Variants in TULP4 observed in about 807,000 individuals in gnomAD.
TULP4 encodes the protein tubby-related protein 4.
Under a neutral mutation model 129.0 loss-of-function variants are expected in TULP4, and 16 were observed. The ratio of observed to expected loss-of-function variants is 0.12; its 90% confidence interval spans 0.08 to 0.19. The LOEUF (loss-of-function observed/expected upper bound fraction) is 0.19, where lower values mean the gene tolerates loss of function less well. Ranked by LOEUF, TULP4 falls within the 10% of genes least tolerant of loss-of-function variation. The pLI is 1.00. For synonymous variants in TULP4, 998 were observed against 854.0 expected (o/e 1.17, Z -2.94); for missense variants, 1,842 against 2,059.1 (o/e 0.89, Z 2.04).
chr6:158,332,096 C>T (rs1008800482), intron 1 of TULP4, among the ~76,000 whole-genome samples: 2 of 144,636 alleles, frequency 1.4e-5, no homozygotes, highest in Non-Finnish European at 3.0e-5. Flanking sequence ...CATTTGAACC[C>T]GGGAGGCGGA....
rs1475444215 is a variant in TULP4 at position 158,494,781 on chromosome 6, A to G, written c.1805A>G (p.Asn602Ser). Residue 602 changes from asparagine to serine, a missense_variant, in exon 11 of 14, where the codon AAT becomes AGT. Transcript: ENST00000367097. The stretch of plus-strand genomic sequence containing the variant: ...AACTATCTTGCTCAGGTCACGTCTA[A>G]TATCTGGGGAACCAAATTTAAGATT... ...QHNYLAQVTS[N>S]IWGTKFKIVG... is the part of the protein sequence containing the mutation. 6.2e-7 allele frequency: 1 copy of G among 1,613,954 alleles called. No individual in the cohort carries two copies. Among genetic ancestry groups the G allele is most frequent in the Non-Finnish European group, 8.5e-7 (1 of 1,180,024 alleles).
intron 1 of TULP4, among the ~76,000 whole-genome samples, chr6:158,338,103 A>G (rs977915840): frequency 6.6e-6 from 1 of 152,192 alleles, no homozygotes; most frequent in African/African-American, 2.4e-5. Flanking sequence ...TCTTCAGAGC[A>G]CCTGATGGAA....
At chr6:158,258,594 A>G (rs1459207910) in intron 1 of TULP4, among the ~76,000 whole-genome samples, 1 of 152,132 alleles carries the variant, frequency 6.6e-6, no homozygotes. Flanking sequence ...TAGAGACACC[A>G]CTCCAACAGT....
intron 1 of TULP4, chr6:158,242,159 C>T (rs1777933832): frequency 2.8e-6 from 3 of 1,068,604 alleles, no homozygotes; most frequent in Non-Finnish European, 4.3e-6. Flanking sequence ...GCCAGTCCTG[C>T]CTGTGGGTCT....
At chr6:158,414,950 G>A (rs1470748935) in intron 2 of TULP4, among the ~76,000 whole-genome samples, 1 of 152,184 alleles carries the variant, frequency 6.6e-6, no homozygotes, top group East Asian at 1.9e-4. Flanking sequence ...GTTCATGGGT[G>A]GTAAGCCAGA....
In TULP4 at chr6:158,313,390, G is replaced by A. The variant is rs1023901100; in HGVS notation, c.-627G>A. 2.3e-5 allele frequency: 9 copies of A among 398,532 alleles called. No homozygotes were observed. Among genetic ancestry groups the A allele is most frequent in the African/African-American group, 1.9e-4 (9 of 48,598 alleles). The allele number at this position is 398,532 out of a possible 1,614,324, so 24.7% of individuals were successfully genotyped here. On this transcript the variant is annotated 5_prime_UTR_variant, in exon 1 of 14. Coordinates refer to ENST00000367097, the MANE Select transcript of TULP4 (RefSeq NM_020245.5). ...CACAAACTCTGGTCTGTTTTGCACG[G>A]TTTGTGTGCCTTTTTTTCCCTTTAT...
intron 5 of TULP4, among the ~76,000 whole-genome samples, chr6:158,453,485 C>CAAAAAAAA (rs869146924): frequency 0.013 from 230 of 17,980 alleles, 26 homozygotes; most frequent in Non-Finnish European, 0.014. Context: ...CTCTGTCTCA[C>CAAAAAAAA]AAAAAAAAAA....
intron 1 of TULP4, among the ~76,000 whole-genome samples, chr6:158,361,994 C>T (rs1012994536): frequency 1.5e-4 from 23 of 152,200 alleles, no homozygotes; most frequent in Non-Finnish European, 4.4e-5. Flanking sequence ...AATGTTCAAA[C>T]TCCTCAACCT....
chr6:158,242,140 T>C (rs1777933548), intron 1 of TULP4: 1 of 947,074 alleles, frequency 1.1e-6, no homozygotes, highest in Non-Finnish European at 1.7e-6. Flanking sequence ...CATCTGACCA[T>C]AAGTGATGGC....
chr6:158,316,661 A>C (rs4709189), intron 1 of TULP4, among the ~76,000 whole-genome samples: 130,981 of 152,106 alleles, frequency 0.86, 56,823 homozygotes, highest in South Asian at 0.93. Flanking sequence ...GGTGGCTTAA[A>C]ACGTTACCCA....
chr6:158,320,985 A>C (rs191210640), intron 1 of TULP4, among the ~76,000 whole-genome samples: 1 of 152,106 alleles, frequency 6.6e-6, no homozygotes. Context: ...TGGAAGATCA[A>C]TGTACCCTGT....
Position 158,454,259 on chromosome 6 carries a change from G to C in TULP4, c.859+1991G>C, listed in dbSNP as rs577011533. Among the ~76,000 whole-genome samples, 6 of 152,216 alleles carry C rather than the reference G, an allele frequency of 3.9e-5. No homozygotes were observed. The South Asian group carries it at 1.2e-3, about 32-fold the overall frequency. On this transcript the variant is annotated intron_variant, in intron 5 of 13. Transcript: ENST00000367097. ...ATGATGAACTTAAATTCCTGTGCTT[G>C]TCTGTAAATTTTTTTCTGAATGTTC...
intron 9 of TULP4, 40 bp downstream of exon 9, chr6:158,489,772 T>C: frequency 6.2e-7 from 1 of 1,611,606 alleles, no homozygotes; most frequent in Non-Finnish European, 8.5e-7. Context: ...TTCTTGTGCC[T>C]CTGAATATGT....
Position 158,503,389 on chromosome 6 carries a change from C to T in TULP4, c.3726C>T (p.Pro1242=), listed in dbSNP as rs752751395. Residue 1242 remains proline (P), a synonymous_variant, in exon 13 of 14, where the codon CCC becomes CCT. Coordinates refer to ENST00000367097, the MANE Select transcript of TULP4 (RefSeq NM_020245.5). The surrounding 1 kb of genome is among the most constrained non-coding windows in gnomAD (Gnocchi z 4.3). ...GCCTCTCCTATTGCACCCTGCCCCCCATGTACCCAGGAAGCAGCACGTGCT... is the reference window on the plus strand; with the variant it reads ...GCCTCTCCTATTGCACCCTGCCCCCTATGTACCCAGGAAGCAGCACGTGCT... ...PPSLSYCTLP[P]MYPGSSTCSS... 6 of 1,613,872 alleles carry T rather than the reference C, an allele frequency of 3.7e-6. No individual in the cohort carries two copies. In the African/African-American group the frequency reaches 5.3e-5, roughly 14 times the overall value.
chr6:158,377,200 G>A lies in TULP4; in HGVS notation c.253-35865G>A, dbSNP rs116062978. On this transcript the variant is annotated intron_variant, in intron 1 of 13. Transcript: ENST00000367097. ...ATGAAGCACCCAGCACGCCTGCCAC[G>A]TGGCCAGCACTGTCTTACACACACA... Among the ~76,000 whole-genome samples, 74 of 152,316 alleles carry A rather than the reference G, an allele frequency of 4.9e-4. 1 individual carries two copies. Among genetic ancestry groups the A allele is most frequent in the African/African-American group, 1.7e-3 (69 of 41,562 alleles).
At chr6:158,474,490 A>C (rs945473958) in intron 6 of TULP4, among the ~76,000 whole-genome samples, 2 of 152,158 alleles carry the variant, frequency 1.3e-5, no homozygotes, top group African/African-American at 4.8e-5. Flanking sequence ...GGAAGCTTTC[A>C]ATTCCAATTA....
At position 158,493,660 on chromosome 6, in the gene TULP4, C is replaced by T. The variant is rs763155209; in HGVS notation, c.1719C>T (p.Pro573=). 3.1e-6 allele frequency: 5 copies of T among 1,598,204 alleles called. No individual in the cohort carries two copies. The highest frequency in any genetic ancestry group is 1.3e-5 in the African/African-American group (1 of 74,086). ...SRSPRLPLRK[P]SVGSPSLTRR... ...CCCCACGGTTGCCCCTGCGCAAGCC[C>T]TCTGTGGGCTCGCCCAGCCTGACTC... Residue 573 remains proline, a synonymous_variant, in exon 10 of 14, where the codon CCC becomes CCT. Transcript: ENST00000367097. This position sits in a 1 kb window ranked among gnomAD's most constrained non-coding sequence, Gnocchi z 4.4.
At chr6:158,337,545 G>C (rs1780074438) in intron 1 of TULP4, among the ~76,000 whole-genome samples, 1 of 152,170 alleles carries the variant, frequency 6.6e-6, no homozygotes, top group African/African-American at 2.4e-5. Flanking sequence ...ATACCTTTCT[G>C]CCATCAGTGT....
In TULP4 at chr6:158,313,542, G is replaced by A. The variant is rs1054773620; in HGVS notation, c.-475G>A. ...TCCGAACTTTTGAAGAGAAAAATTCGAGCTAGAGGGATTCTTAAAGCCTTA... is the reference window on the plus strand; with the variant it reads ...TCCGAACTTTTGAAGAGAAAAATTCAAGCTAGAGGGATTCTTAAAGCCTTA... On this transcript the variant is annotated 5_prime_UTR_variant, in exon 1 of 14. Transcript: ENST00000367097. 3 of 401,942 alleles carry A rather than the reference G, an allele frequency of 7.5e-6. No homozygotes were observed. Among genetic ancestry groups the A allele is most frequent in the Admixed American group, 4.3e-5 (1 of 23,438 alleles). 24.9% of individuals were successfully genotyped at this position (401,942 alleles called of 1,614,324 possible). A position where few individuals can be genotyped will look rare whatever the true frequency, so the allele number is the denominator to read the frequency against.
Sources: gnomAD v4.1 joint callset for allele counts (sites outside exome capture counted in the v4.1 genomes callset) on GRCh38, gnomAD v4.1.1 for gene constraint, Gnocchi (gnomAD v3.1) non-coding constraint, MANE v1.5 for transcripts, NCBI Gene and HGNC (gene_info 2026-07-23, HGNC 2026-07-21) for gene names.